The following IQGAP2 variants were observed in gnomAD, a reference collection of about 807,000 sequenced individuals.
IQGAP2 encodes the protein IQ motif containing GTPase activating protein 2.
In IQGAP2, 173 loss-of-function variants were observed where a neutral mutation model predicts 201.3. The ratio of observed to expected loss-of-function variants is 0.86; its 90% confidence interval spans 0.76 to 0.98. IQGAP2 has a LOEUF of 0.98. Ranked by LOEUF, IQGAP2 falls within the 50% of genes least tolerant of loss-of-function variation. The pLI is 0.00. For synonymous variants in IQGAP2, 675 were observed against 673.9 expected, an observed-to-expected ratio of 1.00 and a Z score of -0.03; for missense variants, 1,687 against 1,864.8, an observed-to-expected ratio of 0.90 and a Z score of 1.76.
intron 1 of IQGAP2, among the ~76,000 whole-genome samples, chr5:76,433,683 A>G (rs936115071): frequency 4.6e-5 from 7 of 152,198 alleles, no homozygotes; most frequent in South Asian, 2.1e-4. Context: ...TTTGAGTACA[A>G]TTTTTTTCCT....
chr5:76,487,937 C>T (rs888629916), intron 2 of IQGAP2, among the ~76,000 whole-genome samples: 14 of 152,314 alleles, frequency 9.2e-5, no homozygotes, highest in African/African-American at 3.4e-4. Flanking sequence ...AAGGAATAAG[C>T]TTTATCAGGC....
At chr5:76,674,182 T>C (rs1385806343) in intron 26 of IQGAP2, 146 bp downstream of exon 26, 3 of 623,078 alleles carry the variant, frequency 4.8e-6, no homozygotes, top group Non-Finnish European at 5.7e-6. Flanking sequence ...CTCAAGATAA[T>C]TGATTAAGCT....
At chr5:76,417,214 G>C (rs905158090) in intron 1 of IQGAP2, among the ~76,000 whole-genome samples, 1 of 152,178 alleles carries the variant, frequency 6.6e-6, no homozygotes, top group African/African-American at 2.4e-5. Context: ...TCTTATTAGT[G>C]TTGAAACGGG....
chr5:76,510,731 A>C, intron 2 of IQGAP2: 2 of 518,550 alleles, frequency 3.9e-6, no homozygotes, highest in South Asian at 2.9e-5. Context: ...CTCGGACCTA[A>C]GGGTGTACCT....
At chr5:76,577,022 A>G (rs2150283848) in intron 5 of IQGAP2, among the ~76,000 whole-genome samples, 1 of 152,348 alleles carries the variant, frequency 6.6e-6, no homozygotes, top group African/African-American at 2.4e-5. Flanking sequence ...TAGAATGATA[A>G]CACTATAGTT....
chr5:76,481,352 C>T (rs947223024), intron 2 of IQGAP2, among the ~76,000 whole-genome samples: 7 of 151,904 alleles, frequency 4.6e-5, no homozygotes, highest in South Asian at 2.1e-4. Context: ...ATATCCCAAA[C>T]GTCATTTTAA....
At chr5:76,686,677 T>C (rs1226731817) in intron 30 of IQGAP2, among the ~76,000 whole-genome samples, 2 of 152,004 alleles carry the variant, frequency 1.3e-5, no homozygotes, top group South Asian at 2.1e-4. Flanking sequence ...GCCCAGCTAA[T>C]TTTTTGTGTT....
chr5:76,614,233 C>G (rs1281775220), intron 13 of IQGAP2, among the ~76,000 whole-genome samples: 4 of 152,114 alleles, frequency 2.6e-5, no homozygotes, highest in Non-Finnish European at 5.9e-5. Context: ...TTGAAAGAAG[C>G]CCCTGAGTGC....
chr5:76,674,352 A>T (rs1580787996), intron 26 of IQGAP2, 125 bp from the exon 27 acceptor site: 2 of 622,352 alleles, frequency 3.2e-6, no homozygotes, highest in Non-Finnish European at 5.7e-6. Flanking sequence ...TAGGATTTAC[A>T]TCAGAAAATG....
intron 2 of IQGAP2, among the ~76,000 whole-genome samples, chr5:76,496,473 A>T (rs2150161153): frequency 6.6e-6 from 1 of 152,220 alleles, no homozygotes. Flanking sequence ...ACAGAGTCTC[A>T]TATGATGCAA....
Position 76,516,246 on chromosome 5 carries a change from A to G in IQGAP2, c.147-46150A>G, listed in dbSNP as rs74780703. Reference sequence around the variant, plus strand: ...GAAAATAGGCTTAAGATTTTAGTTGACTATAAACTTAATATAAATCTATAA... The same window carrying G: ...GAAAATAGGCTTAAGATTTTAGTTGGCTATAAACTTAATATAAATCTATAA... On this transcript the variant is annotated intron_variant, in intron 2 of 35. Coordinates refer to ENST00000274364, the MANE Select transcript of IQGAP2 (RefSeq NM_006633.5). Among the ~76,000 whole-genome samples, 686 of 152,268 alleles carry G rather than the reference A, an allele frequency of 4.5e-3. 10 individuals are homozygous for G. Among genetic ancestry groups the G allele is most frequent in the African/African-American group, 0.016 (665 of 41,552 alleles).
At chr5:76,629,781 A>G (rs1487699789) in intron 14 of IQGAP2, among the ~76,000 whole-genome samples, 1 of 152,172 alleles carries the variant, frequency 6.6e-6, no homozygotes, top group Non-Finnish European at 1.5e-5. Flanking sequence ...CTGCTGGTAT[A>G]TGGCTTAAGA....
chr5:76,516,927 C>T (rs1313754862), intron 2 of IQGAP2, among the ~76,000 whole-genome samples: 1 of 152,108 alleles, frequency 6.6e-6, no homozygotes, highest in Non-Finnish European at 1.5e-5. Context: ...AAAGACACTC[C>T]ATTTGTAAGT....
At chr5:76,662,344 A>ACT (rs1159251680) in intron 21 of IQGAP2, among the ~76,000 whole-genome samples, 1 of 151,454 alleles carries the variant, frequency 6.6e-6, no homozygotes, top group Non-Finnish European at 1.5e-5. Context: ...GCCTTCACCA[A>ACT]CTCTCTCTGT....
intron 1 of IQGAP2, among the ~76,000 whole-genome samples, chr5:76,428,244 C>G (rs961598761): frequency 7.2e-5 from 11 of 152,004 alleles, no homozygotes; most frequent in Admixed American, 2.6e-4. Context: ...TTTCCTAGCT[C>G]AGTGCTGCCC....
chr5:76,526,507 A>G (rs1158659201), intron 2 of IQGAP2, among the ~76,000 whole-genome samples: 4 of 152,216 alleles, frequency 2.6e-5, no homozygotes, highest in African/African-American at 9.6e-5. Flanking sequence ...AAAGGAGTCT[A>G]TTAGGAAATT....
At chr5:76,475,519 T>C (rs1755363697) in intron 2 of IQGAP2, among the ~76,000 whole-genome samples, 1 of 152,160 alleles carries the variant, frequency 6.6e-6, no homozygotes, top group Admixed American at 6.5e-5. Context: ...AAAGGCTTTA[T>C]CTACCAAAGA....
At chr5:76,608,110 T>G (rs1422279141) in intron 12 of IQGAP2, 1 of 152,222 alleles carries the variant, frequency 6.6e-6, no homozygotes, top group African/African-American at 2.4e-5. Context: ...GCAAGTAACA[T>G]TTGCATAACT....
At chr5:76,670,007 G>C (rs1039750326) in intron 23 of IQGAP2, among the ~76,000 whole-genome samples, 3 of 152,064 alleles carry the variant, frequency 2.0e-5, no homozygotes, top group African/African-American at 4.8e-5. Flanking sequence ...ATTTTTAGTA[G>C]AGAAGAGGTT....
Sources: allele counts gnomAD v4.1 joint callset (sites outside exome capture counted in the v4.1 genomes callset), GRCh38; gene constraint gnomAD v4.1.1; transcripts MANE v1.5; gene names NCBI Gene and HGNC (gene_info 2026-07-23, HGNC 2026-07-21).